Variants in FAM3B observed in about 807,000 individuals in gnomAD.
FAM3B encodes the protein FAM3 metabolism regulating signaling molecule B.
FAM3B carries 29 observed loss-of-function variants against 28.4 expected under a neutral mutation model. That is an observed-to-expected ratio of 1.02 (90% CI 0.76 to 1.39). The LOEUF (loss-of-function observed/expected upper bound fraction) is 1.39. Ranked by LOEUF, FAM3B falls within the 40% of genes most tolerant of loss-of-function variation. The probability of loss-of-function intolerance (pLI) is 0.00; values close to 1 mark genes in which losing one functional copy is unlikely to be tolerated. For synonymous variants in FAM3B, 91 were observed against 103.0 expected (o/e 0.88, Z 0.71); for missense variants, 266 against 293.9 (o/e 0.91, Z 0.69).
At chr21:41,328,510 A>C (rs1330502202) in intron 2 of FAM3B, among the ~76,000 whole-genome samples, 2 of 152,164 alleles carry the variant, frequency 1.3e-5, no homozygotes, top group African/African-American at 4.8e-5. Flanking sequence ...CCAAAAAAAA[A>C]AACATTAAGT....
intron 1 of FAM3B, among the ~76,000 whole-genome samples, chr21:41,308,069 T>C (rs1214095549): frequency 1.3e-5 from 2 of 152,334 alleles, no homozygotes; most frequent in Non-Finnish European, 2.9e-5. Flanking sequence ...CATATAGTTC[T>C]TTTTTATACA....
At chr21:41,338,543 G>A in intron 3 of FAM3B, 42 bp downstream of exon 3, 1 of 1,610,244 alleles carries the variant, frequency 6.2e-7, no homozygotes, top group Non-Finnish European at 8.5e-7. Flanking sequence ...CGATCCTACT[G>A]ATTCTTGCCC....
At chr21:41,356,969 G>A (rs576717137) in intron 7 of FAM3B, 139 bp from the exon 8 acceptor site, 12 of 368,340 alleles carry the variant, frequency 3.3e-5, no homozygotes, top group African/African-American at 2.4e-4. Flanking sequence ...ATTAAGAAAT[G>A]TATTGGAAAT....
chr21:41,341,235 A>C (rs2089004681), intron 3 of FAM3B, among the ~76,000 whole-genome samples: 1 of 152,170 alleles, frequency 6.6e-6, no homozygotes, highest in Non-Finnish European at 1.5e-5. Flanking sequence ...GTCATAGTTT[A>C]TTCAACTAGT....
intron 2 of FAM3B, among the ~76,000 whole-genome samples, chr21:41,328,831 A>G (rs1020200776): frequency 6.6e-6 from 1 of 152,138 alleles, no homozygotes; most frequent in South Asian, 2.1e-4. Context: ...GAGCACTCCC[A>G]GGAGAGCTCT....
chr21:41,340,143 T>C (rs954743410), intron 3 of FAM3B, among the ~76,000 whole-genome samples: 4 of 149,400 alleles, frequency 2.7e-5, no homozygotes, highest in African/African-American at 9.8e-5. Flanking sequence ...AAAAGGGGAC[T>C]GAAGTTGTCT....
At chr21:41,321,439 G>A (rs1485794180) in intron 1 of FAM3B, among the ~76,000 whole-genome samples, 2 of 152,170 alleles carry the variant, frequency 1.3e-5, no homozygotes, top group African/African-American at 2.4e-5. Flanking sequence ...CGGGAGAGGG[G>A]CCTGCAAGCC....
rs2089178262 is a variant in FAM3B, at chr21:41,357,608, G to T, written c.*411G>T. 6.6e-6 allele frequency among the ~76,000 whole-genome samples: 1 copy of T among 152,174 alleles called. No individual in the cohort carries two copies. Among genetic ancestry groups the T allele is most frequent in the Non-Finnish European group, 1.5e-5 (1 of 68,036 alleles). ...TAGTTTCCGACAGTCATCTCCTTCTGCTGGGAGAATTAGCAGCAGTTCAGG... is the reference window on the plus strand; with the variant it reads ...TAGTTTCCGACAGTCATCTCCTTCTTCTGGGAGAATTAGCAGCAGTTCAGG... On this transcript the variant is annotated 3_prime_UTR_variant, in exon 8 of 8. Transcript: ENST00000357985.
chr21:41,331,419 T>C (rs2088904647), intron 2 of FAM3B, among the ~76,000 whole-genome samples: 1 of 152,252 alleles, frequency 6.6e-6, no homozygotes, highest in Admixed American at 6.5e-5. Flanking sequence ...TTTCCTCTGC[T>C]GTGCAGAAGC....
chr21:41,348,539 C>T, intron 6 of FAM3B, 53 bp from the exon 7 acceptor site: 1 of 1,609,940 alleles, frequency 6.2e-7, no homozygotes, highest in Non-Finnish European at 8.5e-7. Context: ...CAGAGTTCCT[C>T]TCCTCTCCAC....
chr21:41,351,983 G>A (rs972933373), intron 7 of FAM3B, among the ~76,000 whole-genome samples: 2 of 152,210 alleles, frequency 1.3e-5, no homozygotes, highest in East Asian at 1.9e-4. Context: ...ACCCTGAACT[G>A]TGGGTAGCGG....
chr21:41,336,773 C>T (rs979412244), intron 2 of FAM3B, among the ~76,000 whole-genome samples: 6 of 145,628 alleles, frequency 4.1e-5, no homozygotes, highest in Non-Finnish European at 9.4e-5. Flanking sequence ...CATACATACA[C>T]ACACACAATT....
intron 7 of FAM3B, among the ~76,000 whole-genome samples, chr21:41,351,187 G>A (rs2089116754): frequency 6.6e-6 from 1 of 152,242 alleles, no homozygotes; most frequent in Non-Finnish European, 1.5e-5. Flanking sequence ...GAATTGCACA[G>A]AGGAAGTTGT....
At chr21:41,345,834 A>G (rs2089053804) in intron 5 of FAM3B, 98 bp downstream of exon 5, 2 of 789,996 alleles carry the variant, frequency 2.5e-6, no homozygotes, top group South Asian at 1.5e-5. Flanking sequence ...TATTTTGTCT[A>G]CTAGAAAAAC....
chr21:41,347,294 C>T (rs560782218), intron 6 of FAM3B, among the ~76,000 whole-genome samples, 194 bp downstream of exon 6: 3 of 152,286 alleles, frequency 2.0e-5, no homozygotes, highest in African/African-American at 7.2e-5. Context: ...TCACTAACCA[C>T]AGAAGTACTA....
chr21:41,307,209 A>G (rs1361934509), intron 1 of FAM3B, among the ~76,000 whole-genome samples: 3 of 152,202 alleles, frequency 2.0e-5, no homozygotes, highest in East Asian at 1.9e-4. Context: ...CTTTTGTGTT[A>G]CGGAGATGGC....
rs71848321 is a variant in FAM3B at position 41,311,236 on chromosome 21, CAAAA to C, written n.99+6939_99+6942del. 7.8e-3 allele frequency among the ~76,000 whole-genome samples: 182 copies of C among 23,462 alleles called. 1 individual carries two copies. Among genetic ancestry groups the C allele is most frequent in the Non-Finnish European group, 9.6e-3 (126 of 13,170 alleles). 15.4% of individuals were successfully genotyped at this position (23,462 alleles called of 152,430 possible). ...GCAACATGACAAAACCCTGTCTCTA[CAAAA>C]AAAAAAAAAAAATATATATATATAT... On this transcript the variant is annotated intron_variant and non_coding_transcript_variant, in intron 1 of 9. Coordinates refer to the FAM3B transcript ENST00000479810.
At chr21:41,338,605 G>GT in intron 3 of FAM3B, 104 bp downstream of exon 3, 1 of 1,475,502 alleles carries the variant, frequency 6.8e-7, no homozygotes, top group South Asian at 1.3e-5. Context: ...AGAACCATAT[G>GT]TCGTTGGTCT....
intron 7 of FAM3B, among the ~76,000 whole-genome samples, chr21:41,353,816 A>G (rs2089141749): frequency 1.3e-5 from 2 of 152,242 alleles, no homozygotes; most frequent in South Asian, 4.1e-4. Flanking sequence ...AGCAAATTAA[A>G]ACTTTTGTCC....
Sources: allele counts gnomAD v4.1 joint callset (sites outside exome capture counted in the v4.1 genomes callset), GRCh38; gene constraint gnomAD v4.1.1; transcripts MANE v1.5; gene names NCBI Gene and HGNC (gene_info 2026-07-23, HGNC 2026-07-21).